The following RPS6KA6 variants were observed in gnomAD, a reference collection of about 807,000 sequenced individuals.
The protein encoded by RPS6KA6 is ribosomal protein S6 kinase A6.
A neutral mutation model predicts 65.4 loss-of-function variants in RPS6KA6; 27 were observed. The observed-to-expected ratio is 0.41, with a 90% CI of 0.30 to 0.57. The LOEUF is 0.57. Among genes scored for constraint, RPS6KA6 ranks in the 20% least tolerant of loss-of-function variants. RPS6KA6 has a pLI of 0.24. For synonymous variants in RPS6KA6, 190 were observed against 184.2 expected, an observed-to-expected ratio of 1.03 and a Z score of -0.26; for missense variants, 486 against 555.6, an observed-to-expected ratio of 0.87 and a Z score of 1.26.
chrX:84,078,864 T>C (rs1211264538), intron 20 of RPS6KA6, among the ~76,000 whole-genome samples: 1 of 111,426 alleles, frequency 9.0e-6, no homozygotes, highest in Non-Finnish European at 1.9e-5. Flanking sequence ...ATATGTTCAT[T>C]ATCTTGATTT....
intron 18 of RPS6KA6, 83 bp downstream of exon 18, chrX:84,101,954 C>T (rs1400690294): frequency 8.6e-6 from 7 of 812,302 alleles, no homozygotes; most frequent in Non-Finnish European, 1.0e-5. Flanking sequence ...TTTTATCTGC[C>T]TACCATAACA....
intron 19 of RPS6KA6, 23 bp downstream of exon 19, chrX:84,097,749 G>A: frequency 3.0e-6 from 3 of 995,849 alleles, no homozygotes; most frequent in Middle Eastern, 2.6e-4. Flanking sequence ...CAATGTTAAT[G>A]CTTTTGAATA....
intron 2 of RPS6KA6, among the ~76,000 whole-genome samples, chrX:84,160,536 G>C (rs1373734184): frequency 9.0e-6 from 1 of 111,347 alleles, no homozygotes; most frequent in Non-Finnish European, 1.9e-5. Context: ...CTAACCTCCA[G>C]AAAACAAATC....
At chrX:84,096,414 A>G in intron 19 of RPS6KA6, 103 bp from the exon 20 acceptor site, 1 of 366,182 alleles carries the variant, frequency 2.7e-6, no homozygotes, top group Admixed American at 5.2e-5. Context: ...TCAGTGAATA[A>G]GAATATCATC....
intron 2 of RPS6KA6, among the ~76,000 whole-genome samples, chrX:84,159,409 T>A (rs970305464): frequency 4.5e-5 from 5 of 111,353 alleles, no homozygotes; most frequent in African/African-American, 1.6e-4. Context: ...AATGTACTTA[T>A]AAGTGATATA....
intron 6 of RPS6KA6, among the ~76,000 whole-genome samples, chrX:84,142,996 C>T (rs374946780): frequency 9.0e-6 from 1 of 110,760 alleles, no homozygotes; most frequent in African/African-American, 3.3e-5. Context: ...GTCAGAATTA[C>T]TCTAATACCA....
intron 8 of RPS6KA6, among the ~76,000 whole-genome samples, chrX:84,131,568 G>T (rs185477540): frequency 1.8e-5 from 2 of 111,599 alleles, no homozygotes; most frequent in East Asian, 2.8e-4. Flanking sequence ...CAGAGAGAAG[G>T]GGGGAGAGAA....
chrX:84,128,999 C>CA (rs1318562454), intron 8 of RPS6KA6, among the ~76,000 whole-genome samples: 1 of 111,237 alleles, frequency 9.0e-6, no homozygotes, highest in African/African-American at 3.3e-5. Context: ...CAAACTGGAT[C>CA]ACATCAAGTT....
intron 1 of RPS6KA6, among the ~76,000 whole-genome samples, chrX:84,178,403 G>GT (rs2035800327): frequency 8.9e-6 from 1 of 111,823 alleles, no homozygotes; most frequent in Non-Finnish European, 1.9e-5. Flanking sequence ...AAGGGTCTAA[G>GT]AACAGTCACT....
intron 1 of RPS6KA6, chrX:84,186,274 C>T (rs1417634900): frequency 5.2e-6 from 2 of 384,646 alleles, no homozygotes; most frequent in East Asian, 4.5e-5. Flanking sequence ...AGGATTCCCA[C>T]CTCCCATCCC....
intron 16 of RPS6KA6, 50 bp from the exon 17 acceptor site, chrX:84,104,707 A>G (rs1246477637): frequency 7.7e-6 from 6 of 780,701 alleles, no homozygotes; most frequent in Admixed American, 4.4e-5. Context: ...TTACAATTCT[A>G]TAATTCTTAA....
At chrX:84,104,796 C>T in intron 16 of RPS6KA6, 139 bp from the exon 17 acceptor site, 1 of 371,015 alleles carries the variant, frequency 2.7e-6, no homozygotes. Context: ...TTCCTTTACT[C>T]TTAATGCAGT....
chrX:84,130,639 G>T (rs1381660869), intron 8 of RPS6KA6, among the ~76,000 whole-genome samples: 1 of 111,422 alleles, frequency 9.0e-6, no homozygotes, highest in Non-Finnish European at 1.9e-5. Flanking sequence ...ACAAATCATG[G>T]TACCACCATA....
At position 84,116,291 on chromosome X, in the gene RPS6KA6, T is replaced by TA. The variant is rs755084989; in HGVS notation, c.950-5dup. 8.3e-5 allele frequency: 88 copies of TA among 1,057,134 alleles called. No homozygotes were observed. Among genetic ancestry groups the TA allele is most frequent in the Admixed American group, 1.7e-4 (6 of 36,330 alleles). 87.1% of individuals were successfully genotyped at this position (1,057,134 alleles called of 1,213,427 possible). A position where few individuals can be genotyped will look rare whatever the true frequency, so the allele number is the denominator to read the frequency against. ...ATTTCTTCAACTCCTTCTGATCCTA[T>TA]AAAAAAAAGAAATGATATTTTATTT... On this transcript the variant is annotated splice_polypyrimidine_tract_variant and splice_region_variant and intron_variant, in intron 11 of 21. Transcript: ENST00000262752.
At chrX:84,070,186 G>A (rs751981577) in intron 20 of RPS6KA6, among the ~76,000 whole-genome samples, 3 of 112,148 alleles carry the variant, frequency 2.7e-5, no homozygotes, top group Non-Finnish European at 5.6e-5. Flanking sequence ...CAGACTGGAT[G>A]AAGAATAAAT....
chrX:84,098,195 C>G (rs149876344), intron 18 of RPS6KA6, among the ~76,000 whole-genome samples: 1 of 111,100 alleles, frequency 9.0e-6, no homozygotes, highest in Admixed American at 9.6e-5. Flanking sequence ...GTAACTTACC[C>G]AACATTACAA....
chrX:84,098,075 A>C (rs1329921788), intron 18 of RPS6KA6, among the ~76,000 whole-genome samples: 1 of 111,327 alleles, frequency 9.0e-6, no homozygotes, highest in African/African-American at 3.2e-5. Context: ...ACATGTACAG[A>C]GATTTTAATG....
At chrX:84,117,770 A>T (rs948947298) in intron 9 of RPS6KA6, among the ~76,000 whole-genome samples, 20 of 111,724 alleles carry the variant, frequency 1.8e-4, no homozygotes, top group Admixed American at 1.7e-3. Flanking sequence ...TTTTCTGTTA[A>T]AACAAATATA....
intron 8 of RPS6KA6, among the ~76,000 whole-genome samples, chrX:84,132,101 A>T (rs1177703415): frequency 8.9e-6 from 1 of 111,824 alleles, no homozygotes; most frequent in Non-Finnish European, 1.9e-5. Context: ...CTCTTTGTAG[A>T]AGTTGCTTCT....
Sources: gnomAD v4.1 joint callset for allele counts (sites outside exome capture counted in the v4.1 genomes callset) on GRCh38, gnomAD v4.1.1 for gene constraint, MANE v1.5 for transcripts, NCBI Gene and HGNC (gene_info 2026-07-23, HGNC 2026-07-21) for gene names.